The following NKAIN2 variants were observed in gnomAD, a reference collection of about 807,000 sequenced individuals.
NKAIN2 encodes the protein sodium/potassium-transporting ATPase subunit beta-1-interacting protein 2.
In NKAIN2, 14 loss-of-function variants were observed where a neutral mutation model predicts 32.6. The observed-to-expected ratio is 0.43, with a 90% CI of 0.28 to 0.67. NKAIN2 has a LOEUF of 0.67. Among genes scored for constraint, NKAIN2 ranks in the 30% least tolerant of loss-of-function variants. NKAIN2 has a pLI of 0.17. For synonymous variants in NKAIN2, 80 were observed against 87.2 expected (o/e 0.92, Z 0.46); for missense variants, 198 against 258.3 (o/e 0.77, Z 1.60).
chr6:124,518,812 C>T (rs1242827932), intron 3 of NKAIN2, among the ~76,000 whole-genome samples: 1 of 152,166 alleles, frequency 6.6e-6, no homozygotes, highest in Non-Finnish European at 1.5e-5. Context: ...ACTATATTCA[C>T]ATGAGCAAGA....
chr6:124,560,901 G>A (rs941453433), intron 3 of NKAIN2, among the ~76,000 whole-genome samples: 1 of 152,170 alleles, frequency 6.6e-6, no homozygotes, highest in Non-Finnish European at 1.5e-5. Flanking sequence ...CCTCCTAAAT[G>A]TGACTTTGCT....
intron 3 of NKAIN2, among the ~76,000 whole-genome samples, chr6:124,587,521 A>T (rs1781754207): frequency 6.6e-6 from 1 of 151,564 alleles, no homozygotes; most frequent in African/African-American, 2.4e-5. Flanking sequence ...CCCAGCCCAA[A>T]CTCCTCTTTT....
chr6:124,213,495 A>T (rs1791293757), intron 1 of NKAIN2, among the ~76,000 whole-genome samples: 1 of 152,104 alleles, frequency 6.6e-6, no homozygotes, highest in African/African-American at 2.4e-5. Flanking sequence ...AAAAGAATAA[A>T]TAAAAAAATA....
intron 1 of NKAIN2, among the ~76,000 whole-genome samples, chr6:123,858,153 T>G (rs1208158650): frequency 6.6e-6 from 1 of 151,920 alleles, no homozygotes; most frequent in Non-Finnish European, 1.5e-5. Context: ...ACTCGCTCTG[T>G]CGCCCAGACT....
intron 3 of NKAIN2, among the ~76,000 whole-genome samples, chr6:124,370,577 G>A (rs976269295): frequency 3.3e-5 from 5 of 152,054 alleles, no homozygotes; most frequent in African/African-American, 9.7e-5. Flanking sequence ...TAGGAGCTAC[G>A]TCAAAAATGT....
At chr6:123,938,568 A>G (rs1776665801) in intron 1 of NKAIN2, among the ~76,000 whole-genome samples, 1 of 132,558 alleles carries the variant, frequency 7.5e-6, no homozygotes, top group Non-Finnish European at 1.6e-5. Flanking sequence ...ATTTTTATAT[A>G]TTATATATAT....
rs147546615 is a variant in NKAIN2 at position 124,763,400 on chromosome 6, A to C, written c.475-27939A>C. Among the ~76,000 whole-genome samples, 100 of 152,340 alleles carry C rather than the reference A, an allele frequency of 6.6e-4. No homozygotes were observed. In the East Asian group the frequency reaches 0.018, roughly 27 times the overall value. On this transcript the variant is annotated intron_variant, in intron 4 of 6. Coordinates refer to ENST00000368417, the MANE Select transcript of NKAIN2 (RefSeq NM_001040214.3). ...GATAACTGCCAGTCATGGCAGACGC[A>C]AAGAGGGAATGAGGCACTTCTTACA...
chr6:124,579,079 T>G (rs1781434554), intron 3 of NKAIN2, among the ~76,000 whole-genome samples: 1 of 152,270 alleles, frequency 6.6e-6, no homozygotes, highest in Non-Finnish European at 1.5e-5. Context: ...GATCAAAAAC[T>G]TAGATTACAA....
intron 2 of NKAIN2, among the ~76,000 whole-genome samples, chr6:124,343,980 C>A (rs1031513611): frequency 2.6e-5 from 4 of 151,706 alleles, no homozygotes; most frequent in African/African-American, 9.7e-5. Flanking sequence ...AGGTTTAAGT[C>A]TTTAATCCAT....
intron 1 of NKAIN2, among the ~76,000 whole-genome samples, chr6:123,937,161 G>C (rs1776550125): frequency 6.6e-6 from 1 of 152,024 alleles, no homozygotes; most frequent in African/African-American, 2.4e-5. Context: ...TAACATAATA[G>C]GTATATGAGC....
At chr6:124,014,226 C>T (rs1002189954) in intron 1 of NKAIN2, among the ~76,000 whole-genome samples, 1 of 152,028 alleles carries the variant, frequency 6.6e-6, no homozygotes, top group Non-Finnish European at 1.5e-5. Context: ...AAGATAAAAA[C>T]TTAAACAATA....
intron 4 of NKAIN2, among the ~76,000 whole-genome samples, chr6:124,727,051 A>C (rs1470120493): frequency 1.3e-5 from 2 of 152,006 alleles, no homozygotes; most frequent in African/African-American, 4.8e-5. Flanking sequence ...GAAATATGGG[A>C]CTATGTGAAA....
At chr6:124,019,702 G>A (rs1780777047) in intron 1 of NKAIN2, among the ~76,000 whole-genome samples, 1 of 151,898 alleles carries the variant, frequency 6.6e-6, no homozygotes, top group Non-Finnish European at 1.5e-5. Context: ...TATATTTAGA[G>A]GGAACTGTGC....
intron 3 of NKAIN2, among the ~76,000 whole-genome samples, chr6:124,367,380 A>G (rs1404931267): frequency 6.6e-6 from 1 of 152,146 alleles, no homozygotes; most frequent in African/African-American, 2.4e-5. Context: ...GTCTAGATCT[A>G]CAAATACAGC....
At chr6:124,566,676 A>C in intron 3 of NKAIN2, among the ~76,000 whole-genome samples, 1 of 141,352 alleles carries the variant, frequency 7.1e-6, no homozygotes, top group African/African-American at 2.7e-5. Context: ...GCAAAGTTTC[A>C]TAAGACTCTA....
At chr6:124,314,892 C>T (rs376541958) in intron 2 of NKAIN2, among the ~76,000 whole-genome samples, 10 of 152,190 alleles carry the variant, frequency 6.6e-5, no homozygotes, top group South Asian at 2.1e-4. Flanking sequence ...TTTGAACATA[C>T]GTTAACCAAG....
intron 4 of NKAIN2, among the ~76,000 whole-genome samples, chr6:124,694,163 G>A (rs1053413280): frequency 2.0e-5 from 3 of 151,808 alleles, no homozygotes; most frequent in African/African-American, 4.8e-5. Flanking sequence ...ATGTGTGTGT[G>A]TATATATATT....
intron 3 of NKAIN2, among the ~76,000 whole-genome samples, chr6:124,474,858 TA>T (rs1404969091): frequency 4.1e-5 from 4 of 96,702 alleles, no homozygotes; most frequent in African/African-American, 1.6e-4. Context: ...TATACATATA[TA>T]TTTTATATAC....
At chr6:124,179,632 G>A (rs1789337459) in intron 1 of NKAIN2, among the ~76,000 whole-genome samples, 1 of 152,178 alleles carries the variant, frequency 6.6e-6, no homozygotes, top group Admixed American at 6.5e-5. Context: ...AGAGCAGTAG[G>A]CACTCAAGGC....
Sources: gnomAD v4.1 joint callset for allele counts (sites outside exome capture counted in the v4.1 genomes callset) on GRCh38, gnomAD v4.1.1 for gene constraint, MANE v1.5 for transcripts, NCBI Gene and HGNC (gene_info 2026-07-23, HGNC 2026-07-21) for gene names.